Variants in LILRB1 observed in about 807,000 individuals in gnomAD.
The protein encoded by LILRB1 is leukocyte immunoglobulin like receptor B1.
A neutral mutation model predicts 74.6 loss-of-function variants in LILRB1; 59 were observed. The ratio of observed to expected loss-of-function variants is 0.79; its 90% CI spans 0.64 to 0.98. The LOEUF (loss-of-function observed/expected upper bound fraction) is 0.98, where lower values mean the gene tolerates loss of function less well. LILRB1 is among the 50% of genes least tolerant of loss of function. The pLI, the probability that LILRB1 is intolerant of heterozygous loss-of-function variation, is 0.00. For synonymous variants in LILRB1, 328 were observed against 333.9 expected, an observed-to-expected ratio of 0.98 and a Z score of 0.19; for missense variants, 804 against 822.6, an observed-to-expected ratio of 0.98 and a Z score of 0.28.
At position 54,632,755 on chromosome 19, in the gene LILRB1, T is replaced by A. The variant is rs372158181; in HGVS notation, c.953T>A (p.Ile318Asn). ...SAPSDPLDIL[I>N]AGQFYDRVSL... is the part of the protein sequence containing the mutation. ...CCCAGCGACCCCCTGGACATCCTGATCGCAGGTGAGGAGCCCAGCGGGTTC... is the reference window on the plus strand; with the variant it reads ...CCCAGCGACCCCCTGGACATCCTGAACGCAGGTGAGGAGCCCAGCGGGTTC... Residue 318 changes from isoleucine to asparagine, a missense_variant, in exon 6 of 15, where the codon ATC becomes AAC. Ile to Asn is a moderately radical substitution (Grantham distance 149). Transcript: ENST00000324602. 56 of 1,611,992 alleles carry A rather than the reference T, an allele frequency of 3.5e-5. No homozygotes were observed. The African/African-American group carries it at 6.5e-4, about 19-fold the overall frequency.
chr19:54,632,738 C>A lies in LILRB1; in HGVS notation c.936C>A (p.Asp312Glu). ...CCTCCGAGTGGTCGGCCCCCAGCGA[C>A]CCCCTGGACATCCTGATCGCAGGTG... ...NLSSEWSAPS[D>E]PLDILIAGQF... Residue 312 changes from aspartate (D) to glutamate (E), a missense_variant, in exon 6 of 15, where the codon GAC becomes GAA. By Grantham distance (45) the Asp-to-Glu change is conservative. Transcript: ENST00000324602. 1.2e-6 allele frequency: 2 copies of A among 1,612,090 alleles called. No individual in the cohort carries two copies. Among genetic ancestry groups the A allele is most frequent in the Non-Finnish European group, 1.7e-6 (2 of 1,179,872 alleles).
Position 54,617,589 on chromosome 19 carries a change from G to GTGGT in LILRB1, c.-166+240_-166+241insTGGT, listed in dbSNP as rs58534340. ...TGTGTGTGTGTGTGTGTGTGTGTGT[G>GTGGT]GTGTGTGTGTGTTTAAAAGCCTTTA... On this transcript the variant is annotated intron_variant, in intron 1 of 15. Transcript: ENST00000396331. Among the ~76,000 whole-genome samples, 105 of 127,482 alleles carry GTGGT rather than the reference G, an allele frequency of 8.2e-4. 1 individual carries two copies. The highest frequency in any genetic ancestry group is 2.8e-3 in the African/African-American group (94 of 33,912). 83.6% of individuals were successfully genotyped at this position (127,482 alleles called of 152,430 possible).
rs1245973604 is a variant in LILRB1, at chr19:54,635,837, T to A, written c.1653+228T>A. ...CTGCTCCTCATCCTCTGTTTGGCCG[T>A]CTGGTTGTTAGAGCTCTCCCCAGGC... is the stretch of plus-strand genomic sequence containing the variant. On this transcript the variant is annotated intron_variant, in intron 13 of 14. Coordinates refer to ENST00000324602, the MANE Select transcript of LILRB1 (RefSeq NM_001081637.3). 15 of 701,760 alleles carry A rather than the reference T, an allele frequency of 2.1e-5. No homozygotes were observed. In the Admixed American group the frequency reaches 3.0e-4, roughly 14 times the overall value. 43.5% of individuals were successfully genotyped at this position (701,760 alleles called of 1,614,324 possible).
chr19:54,617,507 A>G (rs2063337210), intron 1 of LILRB1, among the ~76,000 whole-genome samples: 2 of 151,778 alleles, frequency 1.3e-5, no homozygotes, highest in South Asian at 4.2e-4. Flanking sequence ...GTAAATTTAT[A>G]TTAATATCTC....
chr19:54,625,417 A>G (rs773613541), upstream of LILRB1, among the ~76,000 whole-genome samples: 134 of 152,154 alleles, frequency 8.8e-4, no homozygotes, highest in South Asian at 1.7e-3. Flanking sequence ...CTCAGGGATC[A>G]GAAGCCTGTG....
At chr19:54,632,952 A>T (rs1029315028) in intron 6 of LILRB1, 64 bp from the exon 7 acceptor site, 55 of 1,553,622 alleles carry the variant, frequency 3.5e-5, no homozygotes, top group Non-Finnish European at 4.5e-5. Flanking sequence ...CCAGAGGGAG[A>T]CCTGGGGAGG....
chr19:54,633,866 G>A, intron 8 of LILRB1, 105 bp from the exon 9 acceptor site: 2 of 1,484,960 alleles, frequency 1.3e-6, no homozygotes, highest in Middle Eastern at 1.7e-4. Flanking sequence ...GAGGGGTGGG[G>A]GGTCAAGGCA....
rs1391373915 is a variant in LILRB1, at chr19:54,637,874, T to A, written c.*996T>A. Reference sequence around the variant, plus strand: ...TGCCAATATACTAGAAATTGCAGATTAAATAGATGAAATATTCTAAACTGG... The same window carrying A: ...TGCCAATATACTAGAAATTGCAGATAAAATAGATGAAATATTCTAAACTGG... On this transcript the variant is annotated 3_prime_UTR_variant, in exon 15 of 15. Transcript: ENST00000324602. Among the ~76,000 whole-genome samples the A allele has an allele frequency of 6.6e-6, 1 of 152,190 alleles. No individual in the cohort carries two copies. Among genetic ancestry groups the A allele is most frequent in the Non-Finnish European group, 1.5e-5 (1 of 68,044 alleles).
chr19:54,632,327 T>A, intron 5 of LILRB1, 90 bp downstream of exon 5: 1 of 1,557,082 alleles, frequency 6.4e-7, no homozygotes, highest in Non-Finnish European at 8.7e-7. Context: ...GGTGGGATGA[T>A]GTTGGGGCGA....
chr19:54,622,222 A>G (rs1568564962), intron 1 of LILRB1, among the ~76,000 whole-genome samples: 1 of 152,212 alleles, frequency 6.6e-6, no homozygotes, highest in Non-Finnish European at 1.5e-5. Context: ...AATTCTGTTA[A>G]AGAAATGACA....
Position 54,633,269 on chromosome 19 carries a change from A to G in LILRB1, c.1212A>G (p.Lys404=). The part of the protein sequence containing the change: ...TYRCYGSQSS[K]PYLLTHPSDP... ...GGTGCTACGGCTCACAGAGCTCCAAACCCTACCTGCTGACTCACCCCAGTG... is the reference window on the plus strand; with the variant it reads ...GGTGCTACGGCTCACAGAGCTCCAAGCCCTACCTGCTGACTCACCCCAGTG... Residue 404 remains lysine (K), a synonymous_variant, in exon 7 of 15, where the codon AAA becomes AAG. Transcript: ENST00000324602. The G allele has an allele frequency of 6.8e-7, 1 of 1,467,748 alleles. No individual in the cohort carries two copies. The highest frequency in any genetic ancestry group is 9.3e-7 in the Non-Finnish European group (1 of 1,069,664). 90.9% of individuals were successfully genotyped at this position (1,467,748 alleles called of 1,614,324 possible). A position where few individuals can be genotyped will look rare whatever the true frequency, so the allele number is the denominator to read the frequency against.
upstream of LILRB1, among the ~76,000 whole-genome samples, chr19:54,625,867 T>G (rs2063571817): frequency 6.6e-6 from 1 of 150,746 alleles, no homozygotes; most frequent in African/African-American, 2.5e-5. Flanking sequence ...CACTCACCCC[T>G]TCCCCATGTT....
In LILRB1 at chr19:54,634,327, A is replaced by G. The variant is rs766340506; in HGVS notation, c.1363+306A>G. On this transcript the variant is annotated intron_variant, in intron 9 of 14. Coordinates refer to ENST00000324602, the MANE Select transcript of LILRB1 (RefSeq NM_001081637.3). Reference sequence around the variant, plus strand: ...GACCTGGGGCAGGGGAGGGGAGAAGAGTCATGGTTCAGGACGGTCAGGCTC... The same window carrying G: ...GACCTGGGGCAGGGGAGGGGAGAAGGGTCATGGTTCAGGACGGTCAGGCTC... 1.9e-5 allele frequency: 29 copies of G among 1,537,882 alleles called. No individual in the cohort carries two copies. In the South Asian group the frequency reaches 2.1e-4, roughly 11 times the overall value.
At chr19:54,619,574 C>G (rs1198159371) in intron 1 of LILRB1, among the ~76,000 whole-genome samples, 1 of 152,008 alleles carries the variant, frequency 6.6e-6, no homozygotes, top group African/African-American at 2.4e-5. Context: ...AGCTTTTTCT[C>G]TTTTGAAAGG....
rs1003937312 is a variant in LILRB1, at chr19:54,637,971, ATG to A, written c.*1106_*1107del. Among the ~76,000 whole-genome samples the A allele has an allele frequency of 1.1e-4, 17 of 152,104 alleles. No individual in the cohort carries two copies. The highest frequency in any genetic ancestry group is 5.9e-4 in the Admixed American group (9 of 15,268). On this transcript the variant is annotated 3_prime_UTR_variant, in exon 15 of 15. Coordinates refer to ENST00000324602, the MANE Select transcript of LILRB1 (RefSeq NM_001081637.3). The stretch of plus-strand genomic sequence containing the variant: ...TAGATGTGTGTGTGTGTGTATATAT[ATG>A]TGTGTGTGTGTGAAAAACATTGACT...
intron 1 of LILRB1, among the ~76,000 whole-genome samples, chr19:54,624,773 T>G (rs1464484690): frequency 2.0e-5 from 3 of 152,008 alleles, no homozygotes; most frequent in Admixed American, 2.0e-4. Context: ...GATGGGCTGG[T>G]CCCCAGGGCA....
chr19:54,631,537 C>T lies in LILRB1; in HGVS notation c.108C>T (p.Gly36=), dbSNP rs2063844373. The part of the protein sequence containing the change: ...LPKPTLWAEP[G]SVITQGSPVT... ...AGCCCACCCTCTGGGCTGAACCAGG[C>T]TCTGTGATCACCCAGGGGAGTCCTG... The change falls in exon 4 of 15, where the codon GGC becomes GGT. Residue 36 remains glycine (G), a synonymous_variant. Coordinates refer to ENST00000324602, the MANE Select transcript of LILRB1 (RefSeq NM_001081637.3). The T allele has an allele frequency of 3.1e-6, 5 of 1,613,984 alleles. No homozygotes were observed. The highest frequency in any genetic ancestry group is 1.7e-5 in the Admixed American group (1 of 59,988).
At position 54,637,302 on chromosome 19, in the gene LILRB1, C is replaced by A; in HGVS notation, c.*424C>A. ...CAGCACTTTGGGAGGCCGAGGCGGG[C>A]AGATCACGAGTTCAGGAGATCGAGA... On this transcript the variant is annotated 3_prime_UTR_variant, in exon 15 of 15. Transcript: ENST00000324602. 1 of 172,312 alleles carries A rather than the reference C, an allele frequency of 5.8e-6. No homozygotes were observed. Among genetic ancestry groups the A allele is most frequent in the South Asian group, 1.4e-4 (1 of 7,134 alleles). The allele number at this position is 172,312 out of a possible 1,614,324, so 10.7% of individuals were successfully genotyped here. A position where few individuals can be genotyped will look rare whatever the true frequency, so the allele number is the denominator to read the frequency against.
intron 1 of LILRB1, among the ~76,000 whole-genome samples, chr19:54,621,058 G>C (rs1237655288): frequency 6.6e-6 from 1 of 151,870 alleles, no homozygotes; most frequent in Non-Finnish European, 1.5e-5. Flanking sequence ...ATTTTTAGTA[G>C]AGACAGGGTT....
Sources: gnomAD v4.1 joint callset for allele counts (sites outside exome capture counted in the v4.1 genomes callset) on GRCh38, gnomAD v4.1.1 for gene constraint, MANE v1.5 for transcripts, NCBI Gene and HGNC (gene_info 2026-07-23, HGNC 2026-07-21) for gene names.